The following SMOC2 variants were observed in gnomAD, a reference collection of about 807,000 sequenced individuals.
The protein encoded by SMOC2 is SPARC-related modular calcium-binding protein 2.
Under a neutral mutation model 61.4 loss-of-function variants are expected in SMOC2, and 39 were observed. The ratio of observed to expected loss-of-function variants is 0.64; its 90% CI spans 0.49 to 0.83. SMOC2 has a LOEUF of 0.83. Among genes scored for constraint, SMOC2 ranks in the 40% least tolerant of loss-of-function variants. The pLI is 0.00. For synonymous variants in SMOC2, 247 were observed against 239.9 expected (o/e 1.03, Z -0.27); for missense variants, 556 against 592.9 (o/e 0.94, Z 0.65).
chr6:168,601,243 C>T (rs1230435674), intron 8 of SMOC2, among the ~76,000 whole-genome samples: 1 of 152,244 alleles, frequency 6.6e-6, no homozygotes, highest in Non-Finnish European at 1.5e-5. Context: ...GTCTGGCCCG[C>T]TGGGAGTCCT....
chr6:168,532,220 G>A (rs920807628), intron 4 of SMOC2, among the ~76,000 whole-genome samples: 1 of 152,112 alleles, frequency 6.6e-6, no homozygotes, highest in Admixed American at 6.5e-5. Flanking sequence ...TGTGGGGTCT[G>A]TAGATGGCTT....
chr6:168,581,534 G>A (rs1032246421), intron 7 of SMOC2, among the ~76,000 whole-genome samples: 3 of 152,172 alleles, frequency 2.0e-5, no homozygotes, highest in Non-Finnish European at 2.9e-5. Context: ...CATTCTTGCC[G>A]GGCGCATTTC....
intron 7 of SMOC2, among the ~76,000 whole-genome samples, chr6:168,575,494 G>T (rs917829835): frequency 6.6e-6 from 1 of 152,172 alleles, no homozygotes; most frequent in Non-Finnish European, 1.5e-5. Context: ...AGAATGAGGA[G>T]CGTGGACACA....
chr6:168,647,426 G>A (rs1259882900), intron 9 of SMOC2, among the ~76,000 whole-genome samples: 4 of 152,312 alleles, frequency 2.6e-5, no homozygotes. Context: ...AGCAAAGGGT[G>A]GCTTTGCTAT....
chr6:168,455,001 CG>C (rs1781552110), intron 1 of SMOC2, among the ~76,000 whole-genome samples: 1 of 152,024 alleles, frequency 6.6e-6, no homozygotes. Context: ...TCTTGGTGGC[CG>C]GGGTCTCAGA....
At position 168,535,085 on chromosome 6, in the gene SMOC2, CT is replaced by C. The variant is rs1783702173; in HGVS notation, c.463+7359del. On this transcript the variant is annotated intron_variant, in intron 4 of 12. Transcript: ENST00000356284. The surrounding 1 kb of genome is among the most constrained non-coding windows in gnomAD (Gnocchi z 4.6). ...TCCGGGGTTCAAGCGATTCTCCTGC[CT>C]CTGCCTCCGGAGTAGCTGGGACTAC... 6.6e-6 allele frequency among the ~76,000 whole-genome samples: 1 copy of C among 152,094 alleles called. No homozygotes were observed. Among genetic ancestry groups the C allele is most frequent in the South Asian group, 2.1e-4 (1 of 4,810 alleles).
intron 9 of SMOC2, among the ~76,000 whole-genome samples, chr6:168,616,992 G>C (rs1786111827): frequency 1.3e-5 from 2 of 152,226 alleles, no homozygotes; most frequent in Non-Finnish European, 2.9e-5. Context: ...CTTTTCTCCT[G>C]GGAAAGAAAG....
rs147924154 is a variant in SMOC2, at chr6:168,533,793, G to T, written c.463+6066G>T. On this transcript the variant is annotated intron_variant, in intron 4 of 12. Transcript: ENST00000356284. ...CAATACCATTGAAAGAAATGTGAAA[G>T]AAATTTAAAAGAAAATGTAAAAACA... 2.1e-3 allele frequency among the ~76,000 whole-genome samples: 317 copies of T among 152,220 alleles called. 1 individual carries two copies. The highest frequency in any genetic ancestry group is 7.2e-3 in the African/African-American group (298 of 41,536).
intron 1 of SMOC2, among the ~76,000 whole-genome samples, chr6:168,505,545 A>T (rs1782855092): frequency 1.3e-5 from 2 of 152,202 alleles, no homozygotes; most frequent in African/African-American, 4.8e-5. Context: ...CGTCTCTCAG[A>T]TGCTGGATGA....
intron 4 of SMOC2, among the ~76,000 whole-genome samples, chr6:168,537,706 C>T (rs1783765789): frequency 6.6e-6 from 1 of 152,178 alleles, no homozygotes; most frequent in South Asian, 2.1e-4. Context: ...GAGACATATG[C>T]CCTCGGTCCT....
chr6:168,598,443 A>T (rs183818975), intron 7 of SMOC2, among the ~76,000 whole-genome samples: 1 of 152,272 alleles, frequency 6.6e-6, no homozygotes, highest in Non-Finnish European at 1.5e-5. Flanking sequence ...AGTGGAGAAG[A>T]CTTCCAGCCA....
chr6:168,503,740 G>A (rs978015507), intron 1 of SMOC2, among the ~76,000 whole-genome samples: 16 of 152,108 alleles, frequency 1.1e-4, no homozygotes, highest in African/African-American at 3.6e-4. Context: ...ACATGATGCC[G>A]GCTCAGTGTC....
chr6:168,635,452 C>A (rs975543012), intron 9 of SMOC2, among the ~76,000 whole-genome samples: 1 of 152,196 alleles, frequency 6.6e-6, no homozygotes, highest in Non-Finnish European at 1.5e-5. Flanking sequence ...TCCCTGCCAG[C>A]ATTTTTATTT....
chr6:168,499,685 T>C (rs1162591445), intron 1 of SMOC2, among the ~76,000 whole-genome samples: 2 of 152,228 alleles, frequency 1.3e-5, no homozygotes, highest in African/African-American at 4.8e-5. Context: ...TTTATGTCAA[T>C]TGGAAACTAC....
intron 1 of SMOC2, among the ~76,000 whole-genome samples, chr6:168,479,705 G>C (rs1782165952): frequency 6.6e-6 from 1 of 152,202 alleles, no homozygotes; most frequent in Non-Finnish European, 1.5e-5. Flanking sequence ...GAAAGACCCT[G>C]TCCTTCAAAT....
intron 7 of SMOC2, among the ~76,000 whole-genome samples, chr6:168,590,921 A>C (rs1056429477): frequency 2.0e-5 from 3 of 152,184 alleles, no homozygotes; most frequent in African/African-American, 7.2e-5. Context: ...CCTTCTACCA[A>C]CTTTACAAAG....
chr6:168,584,831 G>A (rs559791046), intron 7 of SMOC2, among the ~76,000 whole-genome samples: 18 of 152,280 alleles, frequency 1.2e-4, no homozygotes, highest in African/African-American at 3.8e-4. Context: ...CCCAGTGCTG[G>A]TGCTCAGGAA....
chr6:168,549,342 A>G, intron 7 of SMOC2, 139 bp downstream of exon 7: 1 of 689,450 alleles, frequency 1.5e-6, no homozygotes, highest in Non-Finnish European at 2.5e-6. Context: ...CCTGGCACAA[A>G]CATCTGAGGA....
At chr6:168,666,372 G>T in intron 12 of SMOC2, 49 bp from the exon 13 acceptor site, 3 of 1,612,350 alleles carry the variant, frequency 1.9e-6, no homozygotes, top group Non-Finnish European at 2.5e-6. Context: ...ACAGATGAGC[G>T]ACACACACCT....
Sources: gnomAD v4.1 joint callset for allele counts (sites outside exome capture counted in the v4.1 genomes callset) on GRCh38, gnomAD v4.1.1 for gene constraint, Gnocchi (gnomAD v3.1) non-coding constraint, MANE v1.5 for transcripts, NCBI Gene and HGNC (gene_info 2026-07-23, HGNC 2026-07-21) for gene names.